The following CANX variants were observed in gnomAD, a reference collection of about 807,000 sequenced individuals.
CANX encodes calnexin.
CANX carries 14 observed loss-of-function variants against 75.7 expected under a neutral mutation model. The ratio of observed to expected loss-of-function variants is 0.19; its 90% CI spans 0.12 to 0.29. The LOEUF (loss-of-function observed/expected upper bound fraction) is 0.29, where lower values mean the gene tolerates loss of function less well. Ranked by LOEUF, CANX falls within the 10% of genes least tolerant of loss-of-function variation. The pLI, the probability that CANX is intolerant of heterozygous loss-of-function variation, is 1.00. For missense variants in CANX, 567 were observed against 713.2 expected (o/e 0.79, Z 2.34); for synonymous variants, 227 against 236.9 (o/e 0.96, Z 0.38).
chr5:179,710,629 A>AC (rs1342757482), intron 7 of CANX, among the ~76,000 whole-genome samples: 1 of 140,816 alleles, frequency 7.1e-6, no homozygotes, highest in East Asian at 2.2e-4. Context: ...AATGGCACGA[A>AC]CCCGGGAGGC....
Position 179,731,606 on chromosome 5 carries a change from G to C in CANX, c.*2962G>C, listed in dbSNP as rs551847501. Among the ~76,000 whole-genome samples, 18 of 152,166 alleles carry C rather than the reference G, an allele frequency of 1.2e-4. No individual in the cohort carries two copies. In the South Asian group the frequency reaches 3.5e-3, roughly 30 times the overall value. ...ACATATTTGATTGTTGTTTTCTCTT[G>C]ATTTTAAAATAAAACCTCATGAGCC... is the stretch of plus-strand genomic sequence containing the variant. On this transcript the variant is annotated 3_prime_UTR_variant, in exon 15 of 15. Coordinates refer to ENST00000247461, the MANE Select transcript of CANX (RefSeq NM_001746.4).
chr5:179,688,233 T>G (rs1457112921), intron 1 of CANX, among the ~76,000 whole-genome samples: 1 of 151,042 alleles, frequency 6.6e-6, no homozygotes, highest in African/African-American at 2.4e-5. Context: ...AATTTTTGTA[T>G]TTTTAGAGAC....
intron 10 of CANX, among the ~76,000 whole-genome samples, chr5:179,721,507 A>G (rs1778310426): frequency 6.6e-6 from 1 of 152,230 alleles, no homozygotes; most frequent in South Asian, 2.1e-4. Context: ...TAGGATCCAC[A>G]GCTGAGTCTG....
chr5:179,680,597 T>A (rs1776038490), intron 1 of CANX, among the ~76,000 whole-genome samples: 1 of 152,096 alleles, frequency 6.6e-6, no homozygotes, highest in African/African-American at 2.4e-5. Context: ...TAAACATGAC[T>A]TTTATTCCAA....
intron 1 of CANX, among the ~76,000 whole-genome samples, chr5:179,690,963 TTTTATATTGATATGAGCTATAAA>T (rs1443159244): frequency 6.6e-6 from 1 of 152,170 alleles, no homozygotes; most frequent in African/African-American, 2.4e-5. Context: ...ATAAACATGG[TTTTATATTGATATGAGCTATAAA>T]TTTATAGTGG....
At chr5:179,698,511 C>A, upstream of CANX, 3 of 1,289,412 alleles carry the variant, frequency 2.3e-6, no homozygotes, top group Non-Finnish European at 3.0e-6. Flanking sequence ...GATGGCCGAT[C>A]GTCGGACTCC....
chr5:179,723,168 T>G lies in CANX; in HGVS notation c.1398+149T>G, dbSNP rs1381033058. ...CTGCAAAAGACACAATATTGGGTTTTGGGGCATGATTTCATTAGTCTAATG... is the reference window on the plus strand; with the variant it reads ...CTGCAAAAGACACAATATTGGGTTTGGGGGCATGATTTCATTAGTCTAATG... On this transcript the variant is annotated intron_variant, in intron 11 of 14. Transcript: ENST00000247461. 35 of 671,172 alleles carry G rather than the reference T, an allele frequency of 5.2e-5. No individual in the cohort carries two copies. The East Asian group carries it at 9.0e-4, about 17-fold the overall frequency. The allele number at this position is 671,172 out of a possible 1,614,324, so 41.6% of individuals were successfully genotyped here. A position where few individuals can be genotyped will look rare whatever the true frequency, so the allele number is the denominator to read the frequency against.
intron 3 of CANX, among the ~76,000 whole-genome samples, chr5:179,706,606 C>G (rs1025668111): frequency 2.0e-5 from 3 of 152,026 alleles, no homozygotes; most frequent in Non-Finnish European, 4.4e-5. Context: ...ACCATGCTGG[C>G]TAATTTGTGT....
Position 179,680,488 on chromosome 5 carries a change from G to A in CANX, c.-4+1711G>A, listed in dbSNP as rs144201515. On this transcript the variant is annotated intron_variant, in intron 1 of 14. Coordinates refer to the CANX transcript ENST00000681674. ...CTAATCCAGCTTGGAAGACAGATGC[G>A]TGTATAGACCACAGTCCAGTGTGTT... 1.9e-3 allele frequency among the ~76,000 whole-genome samples: 291 copies of A among 152,236 alleles called. 3 individuals carry two copies. Among genetic ancestry groups the A allele is most frequent in the Middle Eastern group, 0.014 (4 of 294 alleles).
At chr5:179,682,655 A>T (rs1325116259) in intron 1 of CANX, among the ~76,000 whole-genome samples, 5 of 146,336 alleles carry the variant, frequency 3.4e-5, no homozygotes, top group Non-Finnish European at 7.5e-5. Flanking sequence ...GGTTGCAGTT[A>T]GCCGAGATCA....
Position 179,710,078 on chromosome 5 carries a change from A to G in CANX, c.721+13A>G. ...CTTTACACACTAAGTAAGAAAAAGC[A>G]TTAGTTTGGGGGCTTATGGTATTAC... On this transcript the variant is annotated intron_variant, in intron 7 of 14. Coordinates refer to ENST00000247461, the MANE Select transcript of CANX (RefSeq NM_001746.4). 1 of 1,482,844 alleles carries G rather than the reference A, an allele frequency of 6.7e-7. No homozygotes were observed. Among genetic ancestry groups the G allele is most frequent in the Non-Finnish European group, 9.3e-7 (1 of 1,071,846 alleles). The allele number at this position is 1,482,844 out of a possible 1,614,324, so 91.9% of individuals were successfully genotyped here. A position where few individuals can be genotyped will look rare whatever the true frequency, so the allele number is the denominator to read the frequency against.
At chr5:179,701,736 CTTTTTTTT>C (rs558907168) in intron 1 of CANX, among the ~76,000 whole-genome samples, 18 of 44,004 alleles carry the variant, frequency 4.1e-4, no homozygotes, top group South Asian at 1.2e-3. Flanking sequence ...AACAGATGTA[CTTTTTTTT>C]TTTTTTTTTT....
Position 179,705,813 on chromosome 5 carries a change from C to T in CANX, c.132C>T (p.Asp44=), listed in dbSNP as rs368340762. 129 of 1,613,548 alleles carry T rather than the reference C, an allele frequency of 8.0e-5. No individual in the cohort carries two copies. In the African/African-American group the frequency reaches 1.5e-3, roughly 19 times the overall value. ...DLDDVIEEVE[D]SKPDTTAPPS... The stretch of plus-strand genomic sequence containing the variant: ...ACGATGTCATTGAAGAGGTAGAAGA[C>T]TCAAAACCAGATACCACTGCTCCTC... The change falls in exon 2 of 15, where the codon GAC becomes GAT. Residue 44 remains aspartate (D), a synonymous_variant. Coordinates refer to ENST00000247461, the MANE Select transcript of CANX (RefSeq NM_001746.4).
chr5:179,723,273 A>AG (rs1778430750), intron 11 of CANX, among the ~76,000 whole-genome samples: 1 of 151,696 alleles, frequency 6.6e-6, no homozygotes, highest in African/African-American at 2.4e-5. Context: ...TTTGTCATTT[A>AG]GGCTATATTT....
chr5:179,719,490 A>G (rs1562503483), intron 8 of CANX, among the ~76,000 whole-genome samples, 178 bp from the exon 9 acceptor site: 1 of 152,198 alleles, frequency 6.6e-6, no homozygotes, highest in Non-Finnish European at 1.5e-5. Flanking sequence ...ATTGAGTTGT[A>G]AAGAGTTATT....
intron 13 of CANX, among the ~76,000 whole-genome samples, chr5:179,725,913 G>A (rs913454923): frequency 2.6e-5 from 4 of 151,230 alleles, no homozygotes; most frequent in Admixed American, 6.6e-5. Context: ...ACTTGAACCC[G>A]GAAGGCAGAG....
intron 1 of CANX, among the ~76,000 whole-genome samples, chr5:179,682,463 C>T (rs1450028315): frequency 6.6e-6 from 1 of 152,050 alleles, no homozygotes; most frequent in East Asian, 1.9e-4. Flanking sequence ...GTAATCCCAG[C>T]ACCTTGGGAG....
intron 1 of CANX, among the ~76,000 whole-genome samples, chr5:179,689,379 G>T (rs1408869103): frequency 3.5e-4 from 29 of 83,654 alleles, no homozygotes; most frequent in East Asian, 1.2e-3. Context: ...AACCCAACAA[G>T]TTTTTTTTTT....
At position 179,707,132 on chromosome 5, in the gene CANX, G is replaced by A. The variant is rs777085769; in HGVS notation, c.246G>A (p.Gly82=). The A allele has an allele frequency of 1.3e-6, 2 of 1,580,390 alleles. No individual in the cohort carries two copies. The highest frequency in any genetic ancestry group is 1.7e-6 in the Non-Finnish European group (2 of 1,149,388). The change falls in exon 4 of 15, where the codon GGG becomes GGA. Residue 82 remains glycine, a splice_region_variant and synonymous_variant. Coordinates refer to ENST00000247461, the MANE Select transcript of CANX (RefSeq NM_001746.4). The stretch of plus-strand genomic sequence containing the variant: ...TGATTTTGGGATTTGTTATTTACAG[G>A]TGGATTTTATCCAAAGCCAAGAAAG... ...ADSFDRGTLS[G]WILSKAKKDD...
Sources: allele counts gnomAD v4.1 joint callset (sites outside exome capture counted in the v4.1 genomes callset), GRCh38; gene constraint gnomAD v4.1.1; transcripts MANE v1.5; gene names NCBI Gene and HGNC (gene_info 2026-07-23, HGNC 2026-07-21).